The following GNB1 variants were observed in gnomAD, a reference collection of about 807,000 sequenced individuals.
GNB1 encodes guanine nucleotide-binding protein G(I)/G(S)/G(T) subunit beta-1.
Under a neutral mutation model 42.9 loss-of-function variants are expected in GNB1, and 2 were observed. The observed-to-expected ratio is 0.05, with a 90% CI of 0.02 to 0.15. The LOEUF (loss-of-function observed/expected upper bound fraction) is 0.15. Among genes scored for constraint, GNB1 ranks in the 10% least tolerant of loss-of-function variants. GNB1 has a pLI of 1.00. For synonymous variants in GNB1, 183 were observed against 174.7 expected, an observed-to-expected ratio of 1.05 and a Z score of -0.38; for missense variants, 193 against 462.2, an observed-to-expected ratio of 0.42 and a Z score of 5.34.
chr1:1,821,825 T>C (rs1305545696), intron 3 of GNB1, among the ~76,000 whole-genome samples: 1 of 152,190 alleles, frequency 6.6e-6, no homozygotes, highest in Non-Finnish European at 1.5e-5. Flanking sequence ...ATAAATAATA[T>C]TTTAGATATA....
intron 7 of GNB1, among the ~76,000 whole-genome samples, chr1:1,799,510 G>C (rs1225238005): frequency 6.6e-6 from 1 of 152,196 alleles, no homozygotes; most frequent in Non-Finnish European, 1.5e-5. Flanking sequence ...TCCAAAAAGG[G>C]TGCTGCGTCA....
intron 1 of GNB1, among the ~76,000 whole-genome samples, chr1:1,858,577 AACAT>A (rs753345970): frequency 6.6e-6 from 1 of 152,128 alleles, no homozygotes; most frequent in Non-Finnish European, 1.5e-5. Context: ...TTCTCATGGG[AACAT>A]ACTACCCCCA....
rs186271354 is a variant in GNB1, at chr1:1,802,419, A to G, written c.430+2000T>C. ...TAAAAATTATACATCTAAATAACCT[A>G]TAAGTCAAATAAGCACTCACAAGGA... On this transcript the variant is annotated intron_variant, in intron 7 of 11. Transcript: ENST00000378609. Among the ~76,000 whole-genome samples, 361 of 152,328 alleles carry G rather than the reference A, an allele frequency of 2.4e-3. 1 individual carries two copies. The highest frequency in any genetic ancestry group is 3.4e-3 in the Non-Finnish European group (229 of 68,026).
intron 1 of GNB1, among the ~76,000 whole-genome samples, chr1:1,852,720 T>G (rs1227756132): frequency 1.3e-5 from 2 of 151,250 alleles, no homozygotes; most frequent in African/African-American, 4.9e-5. Context: ...TTGTGTGCCT[T>G]GCTATGCACA....
intron 2 of GNB1, among the ~76,000 whole-genome samples, chr1:1,832,599 A>G (rs1647091919): frequency 6.6e-6 from 1 of 152,218 alleles, no homozygotes; most frequent in Admixed American, 6.5e-5. Flanking sequence ...AGAATATTTC[A>G]TATTTGCAAT....
chr1:1,869,515 C>G (rs1275030646), intron 1 of GNB1, among the ~76,000 whole-genome samples: 1 of 152,174 alleles, frequency 6.6e-6, no homozygotes, highest in Admixed American at 6.5e-5. Flanking sequence ...GGAACTGGAG[C>G]TTTTCCTACT....
intron 1 of GNB1, among the ~76,000 whole-genome samples, chr1:1,874,932 G>GT (rs1312800471): frequency 6.6e-6 from 1 of 152,180 alleles, no homozygotes; most frequent in Non-Finnish European, 1.5e-5. Context: ...AGAGGGGATG[G>GT]TTTTGGGATG....
intron 1 of GNB1, among the ~76,000 whole-genome samples, chr1:1,850,641 T>C (rs527943374): frequency 9.2e-5 from 14 of 152,218 alleles, no homozygotes; most frequent in African/African-American, 3.1e-4. Context: ...TCTTTTCACA[T>C]ATAATGCATG....
intron 1 of GNB1, among the ~76,000 whole-genome samples, chr1:1,870,831 G>A (rs774803909): frequency 7.2e-5 from 11 of 151,960 alleles, no homozygotes; most frequent in Admixed American, 2.6e-4. Flanking sequence ...CCAGCTACTC[G>A]GGAGGCTGAG....
chr1:1,858,077 C>T (rs548529370), intron 1 of GNB1, among the ~76,000 whole-genome samples: 1 of 152,294 alleles, frequency 6.6e-6, no homozygotes, highest in South Asian at 2.1e-4. Context: ...ATGGAGAATC[C>T]AGAACAATTA....
chr1:1,829,597 G>A (rs2101039041), intron 2 of GNB1, among the ~76,000 whole-genome samples: 1 of 152,250 alleles, frequency 6.6e-6, no homozygotes, highest in Admixed American at 6.5e-5. Context: ...ACAACCTTCT[G>A]GTTCCCATAA....
intron 1 of GNB1, among the ~76,000 whole-genome samples, chr1:1,860,754 C>T (rs987433204): frequency 6.6e-6 from 1 of 151,870 alleles, no homozygotes; most frequent in African/African-American, 2.4e-5. Flanking sequence ...ACCGACCAGA[C>T]TGCAGCTCAG....
chr1:1,870,387 G>A (rs1649181185), intron 1 of GNB1, among the ~76,000 whole-genome samples: 1 of 152,088 alleles, frequency 6.6e-6, no homozygotes, highest in Non-Finnish European at 1.5e-5. Flanking sequence ...TTGTGCCCAG[G>A]CTGGTCTAAA....
intron 3 of GNB1, chr1:1,818,433 G>A (rs982772068): frequency 1.3e-5 from 2 of 152,050 alleles, no homozygotes; most frequent in African/African-American, 4.8e-5. Context: ...TAAATTCTAT[G>A]GAGGGCGCGG....
At chr1:1,817,121 C>T (rs1479098564) in intron 4 of GNB1, among the ~76,000 whole-genome samples, 1 of 152,132 alleles carries the variant, frequency 6.6e-6, no homozygotes, top group Non-Finnish European at 1.5e-5. Context: ...CCCCTAACAC[C>T]CCTGCTGGCC....
chr1:1,791,577 C>T (rs1646482192), intron 8 of GNB1, among the ~76,000 whole-genome samples: 1 of 152,236 alleles, frequency 6.6e-6, no homozygotes, highest in Non-Finnish European at 1.5e-5. Flanking sequence ...GTAAGGACAG[C>T]TGTGAGGGCC....
intron 2 of GNB1, among the ~76,000 whole-genome samples, chr1:1,832,966 T>G (rs1280435139): frequency 6.6e-6 from 1 of 152,174 alleles, no homozygotes; most frequent in Non-Finnish European, 1.5e-5. Flanking sequence ...AGTCTCACAG[T>G]GATTAAACTA....
At chr1:1,804,760 G>T (rs1570641209) in intron 6 of GNB1, among the ~76,000 whole-genome samples, 179 bp from the exon 7 acceptor site, 1 of 152,198 alleles carries the variant, frequency 6.6e-6, no homozygotes, top group Admixed American at 6.5e-5. Flanking sequence ...TTAATGAGAA[G>T]TCCAGTGCTG....
At chr1:1,872,882 A>G (rs1649326175) in intron 1 of GNB1, among the ~76,000 whole-genome samples, 1 of 152,166 alleles carries the variant, frequency 6.6e-6, no homozygotes, top group African/African-American at 2.4e-5. Flanking sequence ...TATTTGTTAA[A>G]GAGTTCACTC....
Sources: allele counts gnomAD v4.1 joint callset (sites outside exome capture counted in the v4.1 genomes callset), GRCh38; gene constraint gnomAD v4.1.1; transcripts MANE v1.5; gene names NCBI Gene and HGNC (gene_info 2026-07-23, HGNC 2026-07-21).